The following SPMIP2 variants were observed in gnomAD, a reference collection of about 807,000 sequenced individuals.
The protein encoded by SPMIP2 is sperm microtubule inner protein 2, also known as protein SPMIP2.
the SPMIP2 span, among the ~76,000 whole-genome samples, chr4:159,014,396 T>C: frequency 6.6e-6 from 1 of 152,142 alleles, no homozygotes; most frequent in Non-Finnish European, 1.5e-5. Flanking sequence ...GAGGTTGCAG[T>C]GAGCTGAGGT....
chr4:158,938,822 A>G, the SPMIP2 span, among the ~76,000 whole-genome samples: 1 of 152,232 alleles, frequency 6.6e-6, no homozygotes, highest in Non-Finnish European at 1.5e-5. Context: ...AATGATTTAT[A>G]TGGAGTAATG....
At chr4:158,992,285 G>C in the SPMIP2 span, among the ~76,000 whole-genome samples, 1 of 152,232 alleles carries the variant, frequency 6.6e-6, no homozygotes, top group African/African-American at 2.4e-5. Context: ...GTAGTCAAAT[G>C]CATTTGGGAA....
At chr4:158,968,031 C>G in the SPMIP2 span, among the ~76,000 whole-genome samples, 1 of 152,104 alleles carries the variant, frequency 6.6e-6, no homozygotes, top group African/African-American at 2.4e-5. Flanking sequence ...ATCATCTCTA[C>G]TATTATTTAT....
the SPMIP2 span, among the ~76,000 whole-genome samples, chr4:158,943,146 C>A: frequency 6.6e-6 from 1 of 152,196 alleles, no homozygotes; most frequent in East Asian, 1.9e-4. Flanking sequence ...TTTGTACCCT[C>A]AGACTCTATA....
the SPMIP2 span, among the ~76,000 whole-genome samples, chr4:158,964,161 AC>A: frequency 0.22 from 26,688 of 119,974 alleles, 4,125 homozygotes; most frequent in Non-Finnish European, 0.32. Context: ...TCAAAACAAA[AC>A]AAAACAAAAC....
the SPMIP2 span, among the ~76,000 whole-genome samples, chr4:158,928,265 A>C: frequency 1.3e-5 from 2 of 152,174 alleles, no homozygotes; most frequent in Non-Finnish European, 2.9e-5. Context: ...TGAATGCACC[A>C]GTCGACACTC....
At chr4:158,901,128 A>ATTTTTT in the SPMIP2 span, among the ~76,000 whole-genome samples, 13 of 112,292 alleles carry the variant, frequency 1.2e-4, no homozygotes, top group Non-Finnish European at 1.9e-4. Flanking sequence ...CTGGGTTGAA[A>ATTTTTT]TTTTTTTTTT....
chr4:158,996,433 C>A, the SPMIP2 span, among the ~76,000 whole-genome samples: 1 of 152,112 alleles, frequency 6.6e-6, no homozygotes, highest in African/African-American at 2.4e-5. Context: ...GAAATGCTCA[C>A]CATTCACATA....
chr4:159,046,453 G>A, the SPMIP2 span, among the ~76,000 whole-genome samples: 1 of 152,328 alleles, frequency 6.6e-6, no homozygotes, highest in Admixed American at 6.5e-5. Context: ...ACAGGTTACA[G>A]GTAGCCAATG....
At chr4:158,913,903 C>G in the SPMIP2 span, among the ~76,000 whole-genome samples, 2 of 150,130 alleles carry the variant, frequency 1.3e-5, no homozygotes, top group Admixed American at 6.6e-5. Flanking sequence ...AACTTGCACT[C>G]AAATGGTGTA....
chr4:158,904,005 A>T, the SPMIP2 span, among the ~76,000 whole-genome samples: 1 of 152,344 alleles, frequency 6.6e-6, no homozygotes, highest in African/African-American at 2.4e-5. Flanking sequence ...CTTTGAACAA[A>T]TTCCCAATGT....
chr4:159,054,654 C>T, the SPMIP2 span, among the ~76,000 whole-genome samples: 10 of 152,134 alleles, frequency 6.6e-5, no homozygotes, highest in South Asian at 1.0e-3. Flanking sequence ...GGATGGTGGG[C>T]GCTACACACA....
the SPMIP2 span, among the ~76,000 whole-genome samples, chr4:158,938,481 T>C: frequency 9.2e-5 from 14 of 152,336 alleles, no homozygotes; most frequent in African/African-American, 3.4e-4. Context: ...GAAGGGCTTG[T>C]TAAATATTCT....
chr4:158,994,391 C>T, the SPMIP2 span, among the ~76,000 whole-genome samples: 1 of 152,188 alleles, frequency 6.6e-6, no homozygotes, highest in Admixed American at 6.5e-5. Context: ...CCTTAAAACC[C>T]TCCTATTCTG....
the SPMIP2 span, among the ~76,000 whole-genome samples, chr4:158,936,688 T>C: frequency 1.3e-4 from 20 of 152,376 alleles, no homozygotes; most frequent in South Asian, 2.1e-4. Flanking sequence ...AAACAAGACC[T>C]CTGCTCTTTA....
the SPMIP2 span, among the ~76,000 whole-genome samples, chr4:158,901,742 C>T: frequency 5.9e-5 from 9 of 151,860 alleles, no homozygotes; most frequent in South Asian, 6.3e-4. Flanking sequence ...AGTTGATCTT[C>T]AATCTCTGAT....
the SPMIP2 span, among the ~76,000 whole-genome samples, chr4:159,080,558 C>G: frequency 1.1e-4 from 16 of 152,262 alleles, no homozygotes; most frequent in Non-Finnish European, 5.9e-5. Flanking sequence ...TGGGCAGTAA[C>G]TTATTGTGAC....
At chr4:158,968,441 G>C in the SPMIP2 span, among the ~76,000 whole-genome samples, 1 of 152,104 alleles carries the variant, frequency 6.6e-6, no homozygotes, top group Non-Finnish European at 1.5e-5. Context: ...TACCTTATAA[G>C]ATAAAGCAAG....
At chr4:158,948,186 G>A in the SPMIP2 span, among the ~76,000 whole-genome samples, 1 of 152,084 alleles carries the variant, frequency 6.6e-6, no homozygotes, top group East Asian at 1.9e-4. Flanking sequence ...ACTGTCTTAG[G>A]AATTCCCTTT....
Sources: allele counts gnomAD v4.1 joint callset (sites outside exome capture counted in the v4.1 genomes callset), GRCh38; gene constraint gnomAD v4.1.1; transcripts MANE v1.5; gene names NCBI Gene and HGNC (gene_info 2026-07-23, HGNC 2026-07-21).